MKLN1: variants seen among roughly 807,000 people sequenced by gnomAD.
The protein encoded by MKLN1 is muskelin 1.
In MKLN1, 18 loss-of-function variants were observed where a neutral mutation model predicts 99.0. The observed-to-expected ratio is 0.18, with a 90% CI of 0.13 to 0.27. MKLN1 has a LOEUF of 0.27. Ranked by LOEUF, MKLN1 falls within the 10% of genes least tolerant of loss-of-function variation. The pLI is 1.00. For missense variants in MKLN1, 621 were observed against 875.9 expected (o/e 0.71, Z 3.67); for synonymous variants, 288 against 293.2 (o/e 0.98, Z 0.18).
chr7:131,334,017 T>C (rs1799179980), intron 1 of MKLN1, among the ~76,000 whole-genome samples: 2 of 152,248 alleles, frequency 1.3e-5, no homozygotes, highest in Non-Finnish European at 2.9e-5. Flanking sequence ...AGAGGATGCT[T>C]ATATAATTCA....
chr7:131,196,131 A>G (rs2116397592), intron 2 of MKLN1, among the ~76,000 whole-genome samples: 1 of 152,300 alleles, frequency 6.6e-6, no homozygotes, highest in African/African-American at 2.4e-5. Flanking sequence ...GTTATTAAAA[A>G]TTATCACTTA....
At chr7:131,298,363 T>C (rs1798326466) in intron 3 of MKLN1, among the ~76,000 whole-genome samples, 1 of 152,178 alleles carries the variant, frequency 6.6e-6, no homozygotes, top group African/African-American at 2.4e-5. Flanking sequence ...TCTTTACAAA[T>C]GCATCATATT....
rs778782964 is a variant in MKLN1, at chr7:131,397,329, A to G, written c.463A>G (p.Ile155Val). ...FSIWYVELSG[I>V]DDPDIVQPCL... ...CATCTGGTATGTTGAACTTAGTGGC[A>G]TTGATGATCCTGATATAGTACAACC... Residue 155 changes from isoleucine (I) to valine (V), a missense_variant, in exon 5 of 18, where the codon ATT becomes GTT. Physicochemically the swap from Ile to Val is conservative, Grantham distance 29. Transcript: ENST00000352689. 1.1e-5 allele frequency: 18 copies of G among 1,613,288 alleles called. No homozygotes were observed. In the East Asian group the frequency reaches 3.8e-4, roughly 34 times the overall value.
intron 3 of MKLN1, among the ~76,000 whole-genome samples, chr7:131,289,363 C>T (rs1018129993): frequency 2.0e-5 from 3 of 152,172 alleles, no homozygotes; most frequent in Admixed American, 6.5e-5. Flanking sequence ...TGGTGGCTCA[C>T]GCCTGTGGTC....
chr7:131,296,296 A>G (rs889295140), intron 3 of MKLN1, among the ~76,000 whole-genome samples: 3 of 152,234 alleles, frequency 2.0e-5, no homozygotes, highest in Non-Finnish European at 2.9e-5. Flanking sequence ...CCATCCAATG[A>G]TTAAAACATC....
At chr7:131,392,793 CG>C (rs376366252) in intron 4 of MKLN1, among the ~76,000 whole-genome samples, 43 of 152,066 alleles carry the variant, frequency 2.8e-4, no homozygotes, top group African/African-American at 9.9e-4. Flanking sequence ...TTAGTAGAGA[CG>C]GGGTTTCTCC....
intron 2 of MKLN1, among the ~76,000 whole-genome samples, chr7:131,199,537 C>T (rs1299018368): frequency 6.6e-6 from 1 of 152,210 alleles, no homozygotes; most frequent in African/African-American, 2.4e-5. Flanking sequence ...ATTATTCTTG[C>T]TTAGCCATAC....
chr7:131,304,863 G>A (rs906356626), intron 3 of MKLN1, among the ~76,000 whole-genome samples: 6 of 152,166 alleles, frequency 3.9e-5, no homozygotes. Context: ...ATGCAACAGC[G>A]TTAGGAGTTG....
At chr7:131,290,949 G>A (rs1020678435) in intron 3 of MKLN1, among the ~76,000 whole-genome samples, 6 of 152,070 alleles carry the variant, frequency 3.9e-5, no homozygotes, top group Non-Finnish European at 7.4e-5. Flanking sequence ...GGTCAGATAA[G>A]TTGCTAGGCT....
chr7:131,466,209 C>T, intron 14 of MKLN1, 67 bp from the exon 15 acceptor site: 1 of 1,173,438 alleles, frequency 8.5e-7, no homozygotes. Context: ...ACCTGTTATG[C>T]ACTGCTACTA....
At chr7:131,439,865 AACACACACACACACAC>A (rs57399724) in intron 10 of MKLN1, among the ~76,000 whole-genome samples, 30,149 of 146,118 alleles carry the variant, frequency 0.21, 3,146 homozygotes, top group Admixed American at 0.29. Context: ...AAAAGATTTA[AACACACACACACACAC>A]ACACACACAC....
At chr7:131,291,666 G>A (rs1183536705) in intron 3 of MKLN1, among the ~76,000 whole-genome samples, 1 of 149,356 alleles carries the variant, frequency 6.7e-6, no homozygotes, top group African/African-American at 2.4e-5. Context: ...GCTGTACTTA[G>A]GAATGATGAT....
At chr7:131,322,986 C>A (rs995609837), upstream of MKLN1, among the ~76,000 whole-genome samples, 4 of 152,210 alleles carry the variant, frequency 2.6e-5, no homozygotes, top group Non-Finnish European at 2.9e-5. Flanking sequence ...TCTCCCCCGA[C>A]ACGTGGGGAT....
rs147748291 is a variant in MKLN1, at chr7:131,287,078, G to T, written c.-179+84104G>T. 8.5e-3 allele frequency among the ~76,000 whole-genome samples: 1,290 copies of T among 152,030 alleles called. 16 individuals are homozygous for T. The highest frequency in any genetic ancestry group is 0.064 in the South Asian group (310 of 4,826). ...AATCGTGCCATTGCACTCCAATCTG[G>T]GTAACAGAGTGAAATGAAACCCTGT... On this transcript the variant is annotated intron_variant, in intron 3 of 7. Coordinates refer to the MKLN1 transcript ENST00000416992.
chr7:131,150,855 CAGA>C (rs538564340), intron 2 of MKLN1, among the ~76,000 whole-genome samples: 28 of 151,424 alleles, frequency 1.8e-4, no homozygotes, highest in Non-Finnish European at 3.7e-4. Flanking sequence ...CGTGAACAAG[CAGA>C]AGAAGGAAGA....
intron 2 of MKLN1, among the ~76,000 whole-genome samples, chr7:131,173,339 C>T (rs1796244233): frequency 6.6e-6 from 1 of 152,134 alleles, no homozygotes; most frequent in African/African-American, 2.4e-5. Flanking sequence ...TGATTGGATT[C>T]TGGGTGAGAT....
intron 3 of MKLN1, among the ~76,000 whole-genome samples, chr7:131,255,942 G>A (rs897406426): frequency 2.7e-5 from 4 of 149,786 alleles, no homozygotes; most frequent in Non-Finnish European, 1.5e-5. Context: ...GTCTCGCTCT[G>A]TTTCCTAGGC....
chr7:131,300,499 G>A (rs1386260764), intron 3 of MKLN1, among the ~76,000 whole-genome samples: 2 of 145,852 alleles, frequency 1.4e-5, no homozygotes, highest in East Asian at 4.1e-4. Flanking sequence ...TGGCCAAGAT[G>A]GCAAAACACT....
chr7:131,201,988 T>A (rs1387889595), intron 2 of MKLN1, among the ~76,000 whole-genome samples: 1 of 152,130 alleles, frequency 6.6e-6, no homozygotes, highest in Non-Finnish European at 1.5e-5. Context: ...ACTTAACACT[T>A]GTAATAGGTT....
Sources: gnomAD v4.1 joint callset for allele counts (sites outside exome capture counted in the v4.1 genomes callset) on GRCh38, gnomAD v4.1.1 for gene constraint, MANE v1.5 for transcripts, NCBI Gene and HGNC (gene_info 2026-07-23, HGNC 2026-07-21) for gene names.